LUZP1: variants seen among roughly 807,000 people sequenced by gnomAD.
LUZP1 encodes filamin mechanobinding actin cross-linking protein.
Under a neutral mutation model 71.3 loss-of-function variants are expected in LUZP1, and 25 were observed. That is an observed-to-expected ratio of 0.35 (90% CI 0.26 to 0.49). The LOEUF (loss-of-function observed/expected upper bound fraction) is 0.49, where lower values mean the gene tolerates loss of function less well. Ranked by LOEUF, LUZP1 falls within the 20% of genes least tolerant of loss-of-function variation. The pLI, the probability that LUZP1 is intolerant of heterozygous loss-of-function variation, is 0.99. For missense variants in LUZP1, 1,142 were observed against 1,300.8 expected (o/e 0.88, Z 1.88); for synonymous variants, 481 against 506.4 (o/e 0.95, Z 0.67).
intron 3 of LUZP1, among the ~76,000 whole-genome samples, chr1:23,096,874 G>A (rs1643895060): frequency 6.6e-6 from 1 of 152,156 alleles, no homozygotes; most frequent in East Asian, 1.9e-4. Context: ...TTGGGAGGCT[G>A]GGGCACGATA....
chr1:23,163,717 G>A (rs1644487904), intron 2 of LUZP1, among the ~76,000 whole-genome samples: 2 of 152,144 alleles, frequency 1.3e-5, no homozygotes, highest in South Asian at 4.1e-4. Flanking sequence ...TTGTCATGTT[G>A]TGGCTCATAT....
At chr1:23,152,994 T>TA (rs1644395839) in intron 2 of LUZP1, among the ~76,000 whole-genome samples, 1 of 152,140 alleles carries the variant, frequency 6.6e-6, no homozygotes, top group Non-Finnish European at 1.5e-5. Context: ...TTTATTTCTT[T>TA]AAAAAAATTC....
chr1:23,124,708 C>T (rs529503872), intron 2 of LUZP1, among the ~76,000 whole-genome samples: 2 of 152,254 alleles, frequency 1.3e-5, no homozygotes, highest in East Asian at 3.9e-4. Context: ...AGATTAACAT[C>T]ATTTTGGGGC....
intron 2 of LUZP1, among the ~76,000 whole-genome samples, chr1:23,119,060 C>T (rs1284314322): frequency 6.6e-6 from 1 of 152,066 alleles, no homozygotes; most frequent in Non-Finnish European, 1.5e-5. Context: ...TTATATTCCC[C>T]GTAGCAATTA....
intron 2 of LUZP1, among the ~76,000 whole-genome samples, chr1:23,149,739 G>A (rs1214986446): frequency 1.3e-5 from 2 of 152,054 alleles, no homozygotes; most frequent in Non-Finnish European, 2.9e-5. Flanking sequence ...CTTTGGGAGC[G>A]GATCACGAGG....
intron 2 of LUZP1, among the ~76,000 whole-genome samples, chr1:23,161,051 A>G (rs917887608): frequency 1.3e-5 from 2 of 152,218 alleles, no homozygotes; most frequent in Non-Finnish European, 2.9e-5. Context: ...GTTAAACAGC[A>G]TAAGAGGAAA....
downstream of LUZP1, chr1:23,083,642 TTTTTG>T (rs1643687560): frequency 4.2e-6 from 1 of 238,530 alleles, no homozygotes. Flanking sequence ...GTGTGTGGGG[TTTTTG>T]TTTTTTTTTT....
In LUZP1 at chr1:23,091,820, CAG is replaced by C. The variant is rs749470777; in HGVS notation, c.2440_2441del (p.Leu814GlufsTer8). 6.2e-7 allele frequency: 1 copy of C among 1,614,104 alleles called. No individual in the cohort carries two copies. The highest frequency in any genetic ancestry group is 2.2e-5 in the East Asian group (1 of 44,866). On this transcript the variant is annotated frameshift_variant, in exon 4 of 5. Coordinates refer to ENST00000302291, the Ensembl canonical transcript of LUZP1. LOFTEE classifies it high-confidence loss of function. ...TGCTAGTGGATGTGTGCCTCTCCCTCAGGGCCTCACCCGGAGCAGCTCTGGGG... is the reference window on the plus strand; with the variant it reads ...TGCTAGTGGATGTGTGCCTCTCCCTCGGCCTCACCCGGAGCAGCTCTGGGG...
At chr1:23,117,519 CG>C (rs71575742) in intron 2 of LUZP1, among the ~76,000 whole-genome samples, 2,279 of 31,004 alleles carry the variant, frequency 0.074, 102 homozygotes, top group Non-Finnish European at 0.1. Flanking sequence ...GGGGGGGGGG[CG>C]GGGGGGGGGA....
intron 2 of LUZP1, among the ~76,000 whole-genome samples, chr1:23,156,857 T>C (rs529863521): frequency 6.6e-6 from 1 of 152,346 alleles, no homozygotes; most frequent in South Asian, 2.1e-4. Flanking sequence ...ATTTCATTTG[T>C]GGCCAAAAAC....
chr1:23,159,780 T>C (rs576127357), intron 2 of LUZP1, among the ~76,000 whole-genome samples: 1 of 152,066 alleles, frequency 6.6e-6, no homozygotes, highest in South Asian at 2.1e-4. Flanking sequence ...AGGTCAGGAG[T>C]TCGAGACCAG....
intron 4 of LUZP1, among the ~76,000 whole-genome samples, chr1:23,090,150 A>G (rs1342593835): frequency 6.6e-6 from 1 of 152,224 alleles, no homozygotes. Flanking sequence ...TTAGAGTAGA[A>G]AGAGCATTGG....
At chr1:23,148,366 A>C (rs1644358631) in intron 2 of LUZP1, among the ~76,000 whole-genome samples, 1 of 147,098 alleles carries the variant, frequency 6.8e-6, no homozygotes, top group Non-Finnish European at 1.5e-5. Context: ...ATGTAGCACA[A>C]CAAAACAACA....
intron 2 of LUZP1, among the ~76,000 whole-genome samples, chr1:23,122,618 T>C (rs1263315140): frequency 6.6e-6 from 1 of 152,250 alleles, no homozygotes; most frequent in East Asian, 1.9e-4. Flanking sequence ...CCGATTAGTT[T>C]AGGTTACAAA....
chr1:23,111,477 C>T (rs1644032246), intron 2 of LUZP1, among the ~76,000 whole-genome samples: 1 of 152,172 alleles, frequency 6.6e-6, no homozygotes, highest in South Asian at 2.1e-4. Context: ...GGAGGATCAC[C>T]TGGAGCCCAG....
chr1:23,127,775 G>C (rs1470105667), intron 2 of LUZP1, among the ~76,000 whole-genome samples: 1 of 152,030 alleles, frequency 6.6e-6, no homozygotes, highest in Non-Finnish European at 1.5e-5. Context: ...CGCCCACCTC[G>C]GCCTCCCAAA....
At chr1:23,138,277 A>G (rs1379106637) in intron 2 of LUZP1, among the ~76,000 whole-genome samples, 3 of 152,124 alleles carry the variant, frequency 2.0e-5, no homozygotes, top group Non-Finnish European at 2.9e-5. Flanking sequence ...CCCGACCACA[A>G]AATGTAGTAT....
intron 3 of LUZP1, among the ~76,000 whole-genome samples, chr1:23,107,302 G>A (rs1398664166): frequency 1.3e-5 from 2 of 151,958 alleles, no homozygotes; most frequent in African/African-American, 4.8e-5. Context: ...GATGTTATTT[G>A]TCTACTCACC....
At chr1:23,165,200 G>A (rs1487943325) in intron 2 of LUZP1, among the ~76,000 whole-genome samples, 1 of 151,864 alleles carries the variant, frequency 6.6e-6, no homozygotes, top group Non-Finnish European at 1.5e-5. Context: ...AACATTCCCA[G>A]GGATAAATCT....
Sources: gnomAD v4.1 joint callset for allele counts (sites outside exome capture counted in the v4.1 genomes callset) on GRCh38, gnomAD v4.1.1 for gene constraint, MANE v1.5 for transcripts, NCBI Gene and HGNC (gene_info 2026-07-23, HGNC 2026-07-21) for gene names.